SNCG: variants seen among roughly 807,000 people sequenced by gnomAD.
The protein encoded by SNCG is gamma-synuclein.
In SNCG, 13 loss-of-function variants were observed where a neutral mutation model predicts 16.0. That is an observed-to-expected ratio of 0.81 (90% CI 0.53 to 1.29). The LOEUF (loss-of-function observed/expected upper bound fraction) is 1.29. Ranked by LOEUF, SNCG falls within the 50% of genes most tolerant of loss-of-function variation. SNCG has a pLI of 0.00. For synonymous variants in SNCG, 66 were observed against 66.3 expected, an observed-to-expected ratio of 1.00 and a Z score of 0.02; for missense variants, 154 against 168.5, an observed-to-expected ratio of 0.91 and a Z score of 0.48.
intron 3 of SNCG, 139 bp from the exon 4 acceptor site, chr10:86,962,465 C>G: frequency 1.7e-6 from 1 of 603,776 alleles, no homozygotes; most frequent in Admixed American, 2.9e-5. Context: ...CCCAATACCT[C>G]CAGCCCCTCC....
rs1366553994 is a variant in SNCG, at chr10:86,960,131, G to A, written c.291+3G>A. On this transcript the variant is annotated splice_donor_region_variant and intron_variant, in intron 3 of 4. Transcript: ENST00000372017. The stretch of plus-strand genomic sequence containing the variant: ...TCACCTCCGGGGTGGTGCGCAAGGT[G>A]AGCCCCGGCCCTCAGACCTGCCCAG... 6.2e-7 allele frequency: 1 copy of A among 1,610,840 alleles called. No individual in the cohort carries two copies. The highest frequency in any genetic ancestry group is 1.7e-5 in the Admixed American group (1 of 59,910).
At chr10:86,957,558 G>C (rs755629156), upstream of SNCG, 21 of 1,597,048 alleles carry the variant, frequency 1.3e-5, no homozygotes, top group Non-Finnish European at 1.7e-5. Flanking sequence ...GGTGGGGCAG[G>C]CTCAGCTCAC....
upstream of SNCG, among the ~76,000 whole-genome samples, chr10:86,956,448 C>T (rs1844232424): frequency 6.6e-6 from 1 of 152,236 alleles, no homozygotes; most frequent in South Asian, 2.1e-4. Flanking sequence ...CCCCCTCACT[C>T]CCTAAATCCA....
upstream of SNCG, chr10:86,957,647 G>A (rs979443141): frequency 4.2e-6 from 6 of 1,434,170 alleles, no homozygotes; most frequent in African/African-American, 1.4e-5. Flanking sequence ...AAGAAAATAC[G>A]AGGACAACAA....
Position 86,962,979 on chromosome 10 carries a change from A to C in SNCG, c.378A>C (p.Gly126=). The change falls in exon 5 of 5, where the codon GGA becomes GGC. Residue 126 remains glycine (G), a synonymous_variant. Coordinates refer to ENST00000372017, the MANE Select transcript of SNCG (RefSeq NM_003087.3). ...EEVAEEAQSG[G]D The stretch of plus-strand genomic sequence containing the variant: ...CTCTCTCCCAGGCCCAGAGTGGGGG[A>C]GACTAGAGGGCTACAGGCCAGCGTG... 1 of 1,603,758 alleles carries C rather than the reference A, an allele frequency of 6.2e-7. No individual in the cohort carries two copies. Among genetic ancestry groups the C allele is most frequent in the Non-Finnish European group, 8.5e-7 (1 of 1,176,202 alleles).
upstream of SNCG, among the ~76,000 whole-genome samples, chr10:86,956,012 C>T (rs1363565071): frequency 2.0e-5 from 3 of 152,176 alleles, no homozygotes. Context: ...CAGCTCCCTC[C>T]TCCCTCCCGT....
chr10:86,962,798 C>T, intron 4 of SNCG, 123 bp downstream of exon 4: 3 of 1,108,910 alleles, frequency 2.7e-6, no homozygotes, highest in Non-Finnish European at 3.9e-6. Context: ...CCTTCCACAG[C>T]CCCTACAGGG....
upstream of SNCG, chr10:86,957,284 T>C: frequency 1.5e-6 from 2 of 1,326,290 alleles, no homozygotes; most frequent in East Asian, 2.3e-5. Context: ...ATTTCACAGA[T>C]GGGACCCCAG....
chr10:86,961,937 C>T lies in SNCG; in HGVS notation c.292-667C>T, dbSNP rs1844358954. Among the ~76,000 whole-genome samples, 3 of 152,250 alleles carry T rather than the reference C, an allele frequency of 2.0e-5. No individual in the cohort carries two copies. In the South Asian group the frequency reaches 6.2e-4, roughly 31 times the overall value. ...GGGCAATCACCAGTGTGGTCCTACA[C>T]ACCCAGCTGTCATGATATCTCACGC... On this transcript the variant is annotated intron_variant, in intron 3 of 4. Transcript: ENST00000372017.
Position 86,962,675 on chromosome 10 carries a change from G to T in SNCG, c.363G>T (p.Glu121Asp). The change falls in exon 4 of 5, where the codon GAG (glutamate) becomes GAT (aspartate). Residue 121 changes from glutamate (E) to aspartate (D), a missense_variant and splice_region_variant. Glu to Asp is a conservative substitution (Grantham distance 45). Coordinates refer to ENST00000372017, the MANE Select transcript of SNCG (RefSeq NM_003087.3). Reference sequence around the variant, plus strand: ...AAGAGAAAGAGGAAGTGGCAGAGGAGGTAGGAGCTGGGCTCCTGGGGTGCA... The same window carrying T: ...AAGAGAAAGAGGAAGTGGCAGAGGATGTAGGAGCTGGGCTCCTGGGGTGCA... ...ASKEKEEVAE[E>D]AQSGGD 1 of 1,610,686 alleles carries T rather than the reference G, an allele frequency of 6.2e-7. No homozygotes were observed. The highest frequency in any genetic ancestry group is 8.5e-7 in the Non-Finnish European group (1 of 1,178,170).
chr10:86,957,340 C>T, upstream of SNCG: 1 of 1,607,894 alleles, frequency 6.2e-7, no homozygotes, highest in East Asian at 2.2e-5. Context: ...GACTCAGATC[C>T]TACTCCATGA....
chr10:86,959,670 C>T lies in SNCG; in HGVS notation c.159C>T (p.Thr53=). The T allele has an allele frequency of 6.2e-7, 1 of 1,609,932 alleles. No homozygotes were observed. The highest frequency in any genetic ancestry group is 1.1e-5 in the South Asian group (1 of 90,168). ...AGGAGAATGTTGTACAGAGCGTGAC[C>T]TCAGGTGAGAAGCCCCAGGGCCAGG... ...KTKENVVQSV[T]SVAEKTKEQA... Residue 53 remains threonine, a synonymous_variant, in exon 2 of 5, where the codon ACC becomes ACT. Coordinates refer to ENST00000372017, the MANE Select transcript of SNCG (RefSeq NM_003087.3). This position sits in a 1 kb window ranked among gnomAD's most constrained non-coding sequence, Gnocchi z 4.3.
At position 86,959,919 on chromosome 10, in the gene SNCG, G is replaced by A. The variant is rs765775615; in HGVS notation, c.164-82G>A. The A allele has an allele frequency of 7.1e-5, 110 of 1,542,474 alleles. 1 individual carries two copies. Among genetic ancestry groups the A allele is most frequent in the Non-Finnish European group, 5.8e-5 (66 of 1,142,268 alleles). On this transcript the variant is annotated intron_variant, in intron 2 of 4. Transcript: ENST00000372017. The surrounding 1 kb of genome is among the most constrained non-coding windows in gnomAD (Gnocchi z 4.3). ...AGCAGGGCCAGGGCTCTGAGCTCCT[G>A]GGAAGGGGCTGCGAGCCTGACTCCA...
upstream of SNCG, chr10:86,958,301 G>A (rs1844270859): frequency 4.1e-6 from 4 of 985,158 alleles, no homozygotes; most frequent in Non-Finnish European, 4.8e-6. Flanking sequence ...CAGCACCCCT[G>A]GGGCCAAGAG....
At chr10:86,956,132 C>T (rs1222877093), upstream of SNCG, among the ~76,000 whole-genome samples, 1 of 151,218 alleles carries the variant, frequency 6.6e-6, no homozygotes, top group African/African-American at 2.4e-5. Context: ...GGATCCAGCC[C>T]GCCCCTCCCC....
In SNCG at chr10:86,958,599, G is replaced by C; in HGVS notation, c.-99G>C. 1 of 1,573,868 alleles carries C rather than the reference G, an allele frequency of 6.4e-7. No individual in the cohort carries two copies. On this transcript the variant is annotated 5_prime_UTR_variant, in exon 1 of 5. Coordinates refer to ENST00000372017, the MANE Select transcript of SNCG (RefSeq NM_003087.3). ...ATCGGCGTCAATAGGAGGCATCGGG[G>C]ACAGCCGCTGCGGCAGCACTCGAGC...
At chr10:86,962,799 C>T (rs534381084) in intron 4 of SNCG, 124 bp downstream of exon 4, 15 of 1,122,104 alleles carry the variant, frequency 1.3e-5, no homozygotes, top group East Asian at 5.1e-5. Context: ...CTTCCACAGC[C>T]CCTACAGGGA....
chr10:86,958,626 A>C lies in SNCG; in HGVS notation c.-72A>C, dbSNP rs1844279106. On this transcript the variant is annotated 5_prime_UTR_variant, in exon 1 of 5. Coordinates refer to ENST00000372017, the MANE Select transcript of SNCG (RefSeq NM_003087.3). ...CAGCCGCTGCGGCAGCACTCGAGCC[A>C]GCTCAAGCCCGCAGCTCGCAGGGAG... is the stretch of plus-strand genomic sequence containing the variant. 6.3e-7 allele frequency: 1 copy of C among 1,591,772 alleles called. No individual in the cohort carries two copies. The highest frequency in any genetic ancestry group is 1.3e-5 in the African/African-American group (1 of 74,240).
chr10:86,962,466 C>T, intron 3 of SNCG, 138 bp from the exon 4 acceptor site: 2 of 604,590 alleles, frequency 3.3e-6, no homozygotes, highest in Non-Finnish European at 6.0e-6. Context: ...CCAATACCTC[C>T]AGCCCCTCCA....
Sources: gnomAD v4.1 joint callset for allele counts (sites outside exome capture counted in the v4.1 genomes callset) on GRCh38, gnomAD v4.1.1 for gene constraint, Gnocchi (gnomAD v3.1) non-coding constraint, MANE v1.5 for transcripts, NCBI Gene and HGNC (gene_info 2026-07-23, HGNC 2026-07-21) for gene names.